UGT1A6: variants seen among roughly 807,000 people sequenced by gnomAD.
The protein encoded by UGT1A6 is UDP glucuronosyltransferase family 1 member A6.
UGT1A6 carries 32 observed loss-of-function variants against 44.4 expected under a neutral mutation model. The ratio of observed to expected loss-of-function variants is 0.72; its 90% CI spans 0.54 to 0.97. The LOEUF (loss-of-function observed/expected upper bound fraction) is 0.97. Ranked by LOEUF, UGT1A6 falls within the 50% of genes least tolerant of loss-of-function variation. The probability of loss-of-function intolerance (pLI) is 0.00; values close to 1 mark genes in which losing one functional copy is unlikely to be tolerated. For synonymous variants in UGT1A6, 238 were observed against 248.5 expected, an observed-to-expected ratio of 0.96 and a Z score of 0.40; for missense variants, 685 against 661.9, an observed-to-expected ratio of 1.03 and a Z score of -0.38.
At chr2:233,723,218 T>A (rs573450645) in intron 1 of UGT1A6, among the ~76,000 whole-genome samples, 28 of 123,768 alleles carry the variant, frequency 2.3e-4, no homozygotes, top group Admixed American at 2.1e-3. Context: ...ACTGACTTTT[T>A]TTTTTTTTTT....
chr2:233,762,899 T>C (rs1698190736), intron 1 of UGT1A6, among the ~76,000 whole-genome samples: 1 of 152,218 alleles, frequency 6.6e-6, no homozygotes, highest in Non-Finnish European at 1.5e-5. Context: ...ATGCCAAATA[T>C]CAGGGCTATT....
intron 1 of UGT1A6, among the ~76,000 whole-genome samples, chr2:233,723,530 T>TC (rs1471912682): frequency 8.7e-6 from 1 of 114,776 alleles, no homozygotes; most frequent in African/African-American, 3.5e-5. Context: ...TTTTTTTTTT[T>TC]TTTTTTAATT....
chr2:233,699,351 C>T (rs2075500801), intron 1 of UGT1A6, among the ~76,000 whole-genome samples: 1 of 152,162 alleles, frequency 6.6e-6, no homozygotes, highest in Non-Finnish European at 1.5e-5. Flanking sequence ...GGGCTAACCT[C>T]TTTTCTTATT....
In UGT1A6 at chr2:233,699,737, A is replaced by G. The variant is rs28898584; in HGVS notation, c.861+5872A>G. Among the ~76,000 whole-genome samples, 1,362 of 152,336 alleles carry G rather than the reference A, an allele frequency of 8.9e-3. 31 individuals carry two copies. The highest frequency in any genetic ancestry group is 0.031 in the African/African-American group (1,271 of 41,572). ...AGCATTTTTTACGGAGCGTTTTCCC[A>G]GAAAACTAGACCCCAGTTCCTCAGG... On this transcript the variant is annotated intron_variant, in intron 1 of 4. Coordinates refer to ENST00000305139, the MANE Select transcript of UGT1A6 (RefSeq NM_001072.4).
intron 1 of UGT1A6, chr2:233,743,968 T>C (rs1283229468): frequency 3.0e-6 from 4 of 1,327,120 alleles, no homozygotes; most frequent in Non-Finnish European, 4.0e-6. Context: ...GCGGCAAGGC[T>C]GCCAGCACCC....
chr2:233,751,206 C>G (rs1365392073), intron 1 of UGT1A6, among the ~76,000 whole-genome samples: 1 of 151,962 alleles, frequency 6.6e-6, no homozygotes, highest in Non-Finnish European at 1.5e-5. Flanking sequence ...AATTTTGGAG[C>G]TTTAAGATTT....
At chr2:233,712,842 C>T (rs11689628) in intron 1 of UGT1A6, 42,041 of 1,510,292 alleles carry the variant, frequency 0.028, 621 homozygotes, top group African/African-American at 0.045. Flanking sequence ...TATAGATTAA[C>T]GGGTAATAAG....
At chr2:233,700,966 G>A (rs936237302) in intron 1 of UGT1A6, among the ~76,000 whole-genome samples, 4 of 151,880 alleles carry the variant, frequency 2.6e-5, no homozygotes, top group African/African-American at 4.8e-5. Context: ...GAGAACATGC[G>A]GTGTTTGATT....
chr2:233,742,230 A>T (rs1158826164), intron 1 of UGT1A6, among the ~76,000 whole-genome samples: 2 of 151,434 alleles, frequency 1.3e-5, no homozygotes, highest in African/African-American at 2.4e-5. Flanking sequence ...GAGAGCCCCA[A>T]ACAGAGATTT....
intron 1 of UGT1A6, among the ~76,000 whole-genome samples, chr2:233,725,940 AG>A (rs1419674144): frequency 2.0e-5 from 3 of 152,132 alleles, no homozygotes; most frequent in Non-Finnish European, 4.4e-5. Flanking sequence ...CTGATGCAGG[AG>A]GATTGTTTGA....
At chr2:233,728,181 A>T (rs2077687901) in intron 1 of UGT1A6, among the ~76,000 whole-genome samples, 1 of 152,226 alleles carries the variant, frequency 6.6e-6, no homozygotes, top group South Asian at 2.1e-4. Context: ...CATTCTTATC[A>T]GAACTTGGTG....
At chr2:233,735,509 C>T (rs185084136) in intron 1 of UGT1A6, among the ~76,000 whole-genome samples, 17 of 152,270 alleles carry the variant, frequency 1.1e-4, no homozygotes, top group Middle Eastern at 3.4e-3. Flanking sequence ...AGCCCATTTA[C>T]ATTTAAGGTA....
intron 1 of UGT1A6, among the ~76,000 whole-genome samples, chr2:233,695,913 C>T (rs1176946557): frequency 6.6e-6 from 1 of 152,022 alleles, no homozygotes; most frequent in African/African-American, 2.4e-5. Context: ...TTTTTTTTCT[C>T]CACACACCAA....
chr2:233,730,079 T>A, intron 1 of UGT1A6: 1 of 1,605,320 alleles, frequency 6.2e-7, no homozygotes, highest in African/African-American at 1.3e-5. Context: ...CTTCCATATT[T>A]ACTTATCTTT....
chr2:233,702,232 C>T (rs963611809), intron 1 of UGT1A6, among the ~76,000 whole-genome samples: 1 of 152,150 alleles, frequency 6.6e-6, no homozygotes, highest in African/African-American at 2.4e-5. Context: ...ATGAATTTGC[C>T]TATTTCTATG....
chr2:233,728,660 C>T (rs557708388), intron 1 of UGT1A6, among the ~76,000 whole-genome samples: 3 of 152,280 alleles, frequency 2.0e-5, no homozygotes, highest in South Asian at 2.1e-4. Context: ...GGATGCGCTG[C>T]GTTACTCATA....
At chr2:233,764,170 A>C (rs1698494492) in intron 1 of UGT1A6, among the ~76,000 whole-genome samples, 1 of 152,226 alleles carries the variant, frequency 6.6e-6, no homozygotes, top group Non-Finnish European at 1.5e-5. Flanking sequence ...TCATCAGAAC[A>C]GGGAAATTCT....
chr2:233,743,355 G>T, intron 1 of UGT1A6: 1 of 979,806 alleles, frequency 1.0e-6, no homozygotes, highest in South Asian at 1.3e-5. Context: ...ACATGGACTT[G>T]AAGCTGCCTG....
chr2:233,695,725 A>G (rs148542326), intron 1 of UGT1A6, among the ~76,000 whole-genome samples: 2 of 152,086 alleles, frequency 1.3e-5, no homozygotes, highest in South Asian at 4.1e-4. Context: ...TTCCAGTTAC[A>G]TTTATGTTGC....
Sources: gnomAD v4.1 joint callset for allele counts (sites outside exome capture counted in the v4.1 genomes callset) on GRCh38, gnomAD v4.1.1 for gene constraint, MANE v1.5 for transcripts, NCBI Gene and HGNC (gene_info 2026-07-23, HGNC 2026-07-21) for gene names.